The following FCHSD2 variants were observed in gnomAD, a reference collection of about 807,000 sequenced individuals.
FCHSD2 encodes the protein FCH and double SH3 domains 2.
In FCHSD2, 38 loss-of-function variants were observed where a neutral mutation model predicts 108.1. That is an observed-to-expected ratio of 0.35 (90% CI 0.27 to 0.46). The LOEUF (loss-of-function observed/expected upper bound fraction) is 0.46, where lower values mean the gene tolerates loss of function less well. Ranked by LOEUF, FCHSD2 falls within the 20% of genes least tolerant of loss-of-function variation. The pLI, the probability that FCHSD2 is intolerant of heterozygous loss-of-function variation, is 1.00. For missense variants in FCHSD2, 751 were observed against 897.8 expected (o/e 0.84, Z 2.09); for synonymous variants, 279 against 314.7 (o/e 0.89, Z 1.20).
intron 2 of FCHSD2, among the ~76,000 whole-genome samples, chr11:73,133,901 A>C (rs771845621): frequency 2.6e-5 from 4 of 151,332 alleles, no homozygotes; most frequent in Non-Finnish European, 5.9e-5. Context: ...AAGGCTGGAG[A>C]GGGTTATGGG....
At chr11:72,903,718 A>G (rs1310760940) in intron 9 of FCHSD2, among the ~76,000 whole-genome samples, 1 of 152,168 alleles carries the variant, frequency 6.6e-6, no homozygotes, top group African/African-American at 2.4e-5. Context: ...AGTATATTAT[A>G]GCCCATTAGC....
intron 3 of FCHSD2, among the ~76,000 whole-genome samples, chr11:73,078,819 C>G (rs1467803807): frequency 6.6e-6 from 1 of 152,110 alleles, no homozygotes; most frequent in Non-Finnish European, 1.5e-5. Flanking sequence ...CCTGGACTCA[C>G]GTGATTCTCC....
At chr11:73,068,320 T>A (rs1036879551) in intron 3 of FCHSD2, among the ~76,000 whole-genome samples, 7 of 31,684 alleles carry the variant, frequency 2.2e-4, no homozygotes, top group Admixed American at 1.2e-3. Flanking sequence ...ACTGAACACC[T>A]GTGCGGTGGG....
At chr11:72,917,844 T>C (rs990086395) in intron 9 of FCHSD2, among the ~76,000 whole-genome samples, 4 of 151,698 alleles carry the variant, frequency 2.6e-5, no homozygotes, top group Non-Finnish European at 5.9e-5. Context: ...GCTGAGCTCA[T>C]GCCATTGCAC....
intron 9 of FCHSD2, among the ~76,000 whole-genome samples, chr11:72,907,971 C>T (rs1229766324): frequency 2.6e-5 from 4 of 152,112 alleles, no homozygotes; most frequent in African/African-American, 9.7e-5. Context: ...AGATCTTATT[C>T]ATTCTATCTA....
At chr11:72,905,745 A>G (rs1215909858) in intron 9 of FCHSD2, among the ~76,000 whole-genome samples, 1 of 152,144 alleles carries the variant, frequency 6.6e-6, no homozygotes, top group Admixed American at 6.5e-5. Context: ...AACTTCATCA[A>G]TGTCCCTGCA....
chr11:72,870,636 C>G (rs1051072672), intron 12 of FCHSD2, among the ~76,000 whole-genome samples: 12 of 150,760 alleles, frequency 8.0e-5, no homozygotes, highest in Non-Finnish European at 1.6e-4. Flanking sequence ...TGCGGTGGCT[C>G]ACGCCTGTAA....
intron 3 of FCHSD2, among the ~76,000 whole-genome samples, chr11:73,061,027 G>T (rs1238142736): frequency 6.6e-6 from 1 of 152,236 alleles, no homozygotes; most frequent in Non-Finnish European, 1.5e-5. Flanking sequence ...TGGCAAGATG[G>T]CCAAATAGGA....
chr11:73,106,025 A>C (rs1860333599), intron 2 of FCHSD2, among the ~76,000 whole-genome samples: 1 of 152,240 alleles, frequency 6.6e-6, no homozygotes, highest in African/African-American at 2.4e-5. Flanking sequence ...TCAGAATCAT[A>C]AAATCAGAGA....
At chr11:73,139,184 T>G (rs1033894653) in intron 2 of FCHSD2, among the ~76,000 whole-genome samples, 10 of 152,224 alleles carry the variant, frequency 6.6e-5, no homozygotes, top group Middle Eastern at 3.2e-3. Context: ...AATTTTATCA[T>G]TAACACCAGA....
intron 8 of FCHSD2, among the ~76,000 whole-genome samples, chr11:72,960,344 T>G (rs1856799729): frequency 6.6e-6 from 1 of 152,194 alleles, no homozygotes; most frequent in Non-Finnish European, 1.5e-5. Flanking sequence ...GGGGATCACA[T>G]TTCAACATGC....
chr11:72,901,659 A>G (rs933211361), intron 10 of FCHSD2, among the ~76,000 whole-genome samples: 2 of 152,018 alleles, frequency 1.3e-5, no homozygotes, highest in African/African-American at 4.8e-5. Context: ...TAAAAATGGT[A>G]ATTTTTGTGT....
At chr11:72,988,113 C>A (rs1158188632) in intron 6 of FCHSD2, among the ~76,000 whole-genome samples, 1 of 152,054 alleles carries the variant, frequency 6.6e-6, no homozygotes, top group South Asian at 2.1e-4. Context: ...GAAAGATAGC[C>A]CCCTCCTTAC....
At chr11:73,096,291 A>T (rs775143857) in intron 2 of FCHSD2, among the ~76,000 whole-genome samples, 2 of 150,818 alleles carry the variant, frequency 1.3e-5, no homozygotes, top group South Asian at 4.2e-4. Context: ...CTGTAATCCC[A>T]GCACTTAGGG....
At chr11:72,987,710 T>C (rs546499177) in intron 6 of FCHSD2, among the ~76,000 whole-genome samples, 1 of 152,354 alleles carries the variant, frequency 6.6e-6, no homozygotes, top group East Asian at 1.9e-4. Context: ...TGTGCTCATG[T>C]TCATCCTGTG....
At chr11:72,888,579 T>C (rs964938708) in intron 11 of FCHSD2, among the ~76,000 whole-genome samples, 2 of 152,090 alleles carry the variant, frequency 1.3e-5, no homozygotes, top group African/African-American at 4.8e-5. Flanking sequence ...TTCTTTGTGC[T>C]TAGAGTTTAG....
chr11:73,115,010 T>A (rs1860571933), intron 2 of FCHSD2, among the ~76,000 whole-genome samples: 1 of 151,964 alleles, frequency 6.6e-6, no homozygotes, highest in African/African-American at 2.4e-5. Context: ...AGAATTGGAG[T>A]CCTAGTGTCT....
intron 3 of FCHSD2, among the ~76,000 whole-genome samples, chr11:73,049,331 G>A (rs947243765): frequency 6.6e-6 from 1 of 151,952 alleles, no homozygotes. Context: ...ATTAAATTTG[G>A]TTCTGATTTC....
chr11:73,063,200 C>T (rs978801371), intron 3 of FCHSD2, among the ~76,000 whole-genome samples: 5 of 152,042 alleles, frequency 3.3e-5, no homozygotes, highest in African/African-American at 1.2e-4. Context: ...GCTTCATAAG[C>T]AAAGGAGAAA....
Sources: gnomAD v4.1 joint callset for allele counts (sites outside exome capture counted in the v4.1 genomes callset) on GRCh38, gnomAD v4.1.1 for gene constraint, MANE v1.5 for transcripts, NCBI Gene and HGNC (gene_info 2026-07-23, HGNC 2026-07-21) for gene names.